The following CPNE4 variants were observed in gnomAD, a reference collection of about 807,000 sequenced individuals.
CPNE4 encodes copine-4.
CPNE4 carries 25 observed loss-of-function variants against 67.9 expected under a neutral mutation model. The observed-to-expected ratio is 0.37, with a 90% CI of 0.27 to 0.51. The LOEUF (loss-of-function observed/expected upper bound fraction) is 0.51. Among genes scored for constraint, CPNE4 ranks in the 20% least tolerant of loss-of-function variants. CPNE4 has a pLI of 0.93. For missense variants in CPNE4, 464 were observed against 690.8 expected, an observed-to-expected ratio of 0.67 and a Z score of 3.68; for synonymous variants, 242 against 244.9, an observed-to-expected ratio of 0.99 and a Z score of 0.11.
intron 2 of CPNE4, among the ~76,000 whole-genome samples, chr3:131,767,778 ATT>A (rs1296324903): frequency 0.078 from 84 of 1,074 alleles, no homozygotes; most frequent in Non-Finnish European, 0.39. Flanking sequence ...CAGATTATAT[ATT>A]TATTTATTTA....
At chr3:132,030,459 G>A (rs1291031413) in intron 1 of CPNE4, among the ~76,000 whole-genome samples, 4 of 152,170 alleles carry the variant, frequency 2.6e-5, no homozygotes, top group African/African-American at 9.7e-5. Flanking sequence ...GTTGAAAGTT[G>A]CTGATCACAG....
At chr3:131,938,111 A>T (rs1583479959) in intron 1 of CPNE4, among the ~76,000 whole-genome samples, 1 of 152,232 alleles carries the variant, frequency 6.6e-6, no homozygotes, top group East Asian at 1.9e-4. Context: ...TAATCCCAGC[A>T]CTTTGTGAGG....
rs1445356340 is a variant in CPNE4, at chr3:131,639,915, T to C, written c.681+29760A>G. Among the ~76,000 whole-genome samples, 6 of 152,254 alleles carry C rather than the reference T, an allele frequency of 3.9e-5. No individual in the cohort carries two copies. The South Asian group carries it at 1.2e-3, about 32-fold the overall frequency. ...AGAATTAAAAACAAAAATTACATGA[T>C]TATCTCAATAGATGCATAAAAAGCA... On this transcript the variant is annotated intron_variant, in intron 7 of 15. Coordinates refer to ENST00000429747, the MANE Select transcript of CPNE4 (RefSeq NM_130808.3).
At chr3:131,780,225 C>G (rs2083399059) in intron 2 of CPNE4, among the ~76,000 whole-genome samples, 1 of 152,048 alleles carries the variant, frequency 6.6e-6, no homozygotes, top group African/African-American at 2.4e-5. Flanking sequence ...TTATACACTG[C>G]TGGCAAGAAT....
chr3:131,582,786 AT>A (rs1224170313), intron 8 of CPNE4, among the ~76,000 whole-genome samples: 1 of 152,188 alleles, frequency 6.6e-6, no homozygotes, highest in Non-Finnish European at 1.5e-5. Context: ...CTCCAGGAGG[AT>A]AAAAGTATAC....
intron 2 of CPNE4, among the ~76,000 whole-genome samples, chr3:131,792,927 A>ATATATC (rs1553772451): frequency 1.6e-5 from 1 of 62,248 alleles, no homozygotes; most frequent in Non-Finnish European, 2.8e-5. Context: ...GTGTGTGTGT[A>ATATATC]TCTCCAACAA....
chr3:132,003,164 CT>C (rs1197227615), intron 1 of CPNE4, among the ~76,000 whole-genome samples: 1 of 152,098 alleles, frequency 6.6e-6, no homozygotes, highest in African/African-American at 2.4e-5. Context: ...GCTGATATGG[CT>C]TGCGTATGCA....
intron 1 of CPNE4, among the ~76,000 whole-genome samples, chr3:131,966,897 T>C (rs2107936005): frequency 6.6e-6 from 1 of 152,276 alleles, no homozygotes; most frequent in Middle Eastern, 3.4e-3. Flanking sequence ...ATCATCCTGA[T>C]ACCAAAATCT....
chr3:131,939,077 C>A (rs1189092646), intron 1 of CPNE4, among the ~76,000 whole-genome samples: 1 of 152,114 alleles, frequency 6.6e-6, no homozygotes, highest in Admixed American at 6.6e-5. Flanking sequence ...GGAGACTTAG[C>A]AATACCATTC....
rs75384512 is a variant in CPNE4, at chr3:131,587,410, G to C, written c.780+74C>G. On this transcript the variant is annotated intron_variant, in intron 8 of 15. Transcript: ENST00000429747. Reference sequence around the variant, plus strand: ...ATACATTGATGTTTTGCCTCTTGCTGTTTCATTGGTAGCTGTGTTCTAAGG... The same window carrying C: ...ATACATTGATGTTTTGCCTCTTGCTCTTTCATTGGTAGCTGTGTTCTAAGG... 1.1e-5 allele frequency: 10 copies of C among 939,908 alleles called. No individual in the cohort carries two copies. In the East Asian group the frequency reaches 1.2e-4, roughly 11 times the overall value. 58.2% of individuals were successfully genotyped at this position (939,908 alleles called of 1,614,324 possible).
At chr3:131,891,786 G>C (rs1476819567) in intron 2 of CPNE4, among the ~76,000 whole-genome samples, 2 of 152,096 alleles carry the variant, frequency 1.3e-5, no homozygotes, top group Non-Finnish European at 2.9e-5. Flanking sequence ...GTATTTCATA[G>C]TGTATATGTA....
intron 2 of CPNE4, among the ~76,000 whole-genome samples, chr3:131,814,806 G>A (rs995850241): frequency 3.6e-5 from 5 of 137,200 alleles, no homozygotes; most frequent in African/African-American, 1.4e-4. Context: ...GGGTTTCACC[G>A]TTATAGCCGG....
intron 1 of CPNE4, among the ~76,000 whole-genome samples, chr3:131,939,782 A>G (rs1344401009): frequency 6.6e-6 from 1 of 152,120 alleles, no homozygotes; most frequent in East Asian, 1.9e-4. Context: ...TTGCTGCTAT[A>G]GTCAGTGGCT....
chr3:131,540,294 T>C (rs1317335835), intron 15 of CPNE4, among the ~76,000 whole-genome samples: 1 of 152,182 alleles, frequency 6.6e-6, no homozygotes, highest in Non-Finnish European at 1.5e-5. Flanking sequence ...GGCAGTACAG[T>C]TATGAACAAT....
chr3:132,032,736 T>TAAAAA (rs2074262944), intron 1 of CPNE4, among the ~76,000 whole-genome samples: 1 of 151,628 alleles, frequency 6.6e-6, no homozygotes, highest in Admixed American at 6.6e-5. Context: ...GGCAGGTGAA[T>TAAAAA]GAGTTCAGCC....
intron 2 of CPNE4, among the ~76,000 whole-genome samples, chr3:131,814,337 T>C (rs566055521): frequency 6.6e-6 from 1 of 152,058 alleles, no homozygotes; most frequent in Non-Finnish European, 1.5e-5. Context: ...GCAGTCACCA[T>C]TCTAGAGAGA....
upstream of CPNE4, among the ~76,000 whole-genome samples, chr3:132,035,682 A>G (rs2074326925): frequency 6.6e-6 from 1 of 152,198 alleles, no homozygotes; most frequent in East Asian, 1.9e-4. Context: ...ACTTATTCAA[A>G]TTCAGACAAA....
chr3:131,880,040 T>C (rs958135629), intron 2 of CPNE4, among the ~76,000 whole-genome samples: 17 of 152,002 alleles, frequency 1.1e-4, no homozygotes, highest in Admixed American at 2.0e-4. Context: ...CCTTTTAGAA[T>C]AGGAGCTTCA....
At chr3:131,657,861 G>A (rs1427096443) in intron 7 of CPNE4, among the ~76,000 whole-genome samples, 2 of 151,910 alleles carry the variant, frequency 1.3e-5, no homozygotes, top group African/African-American at 2.4e-5. Flanking sequence ...ACCGTGCCCG[G>A]CCGAATTATC....
Sources: gnomAD v4.1 joint callset for allele counts (sites outside exome capture counted in the v4.1 genomes callset) on GRCh38, gnomAD v4.1.1 for gene constraint, MANE v1.5 for transcripts, NCBI Gene and HGNC (gene_info 2026-07-23, HGNC 2026-07-21) for gene names.